Variants in GRM7 observed in about 807,000 individuals in gnomAD.
GRM7 encodes the protein glutamate metabotropic receptor 7.
A neutral mutation model predicts 84.5 loss-of-function variants in GRM7; 35 were observed. That is an observed-to-expected ratio of 0.41 (90% CI 0.32 to 0.55). GRM7 has a LOEUF of 0.55. Among genes scored for constraint, GRM7 ranks in the 20% least tolerant of loss-of-function variants. The probability of loss-of-function intolerance (pLI) is 0.19; values close to 1 mark genes in which losing one functional copy is unlikely to be tolerated. For synonymous variants in GRM7, 487 were observed against 455.1 expected, an observed-to-expected ratio of 1.07 and a Z score of -0.89; for missense variants, 1,003 against 1,194.6, an observed-to-expected ratio of 0.84 and a Z score of 2.36.
intron 1 of GRM7, among the ~76,000 whole-genome samples, chr3:7,085,699 T>C (rs1183140671): frequency 3.3e-5 from 5 of 152,132 alleles, no homozygotes; most frequent in African/African-American, 7.2e-5. Context: ...ACTATCAAGT[T>C]AAACATACTT....
intron 2 of GRM7, among the ~76,000 whole-genome samples, chr3:7,255,250 G>C (rs1698152608): frequency 6.6e-6 from 1 of 152,128 alleles, no homozygotes; most frequent in African/African-American, 2.4e-5. Context: ...TTTACAAATT[G>C]GAAAGGCTAA....
At chr3:7,736,538 T>C (rs1465329542) in intron 9 of GRM7, among the ~76,000 whole-genome samples, 2 of 152,176 alleles carry the variant, frequency 1.3e-5, no homozygotes, top group Admixed American at 1.3e-4. Flanking sequence ...CAAGTGGATA[T>C]GCAAGGAATA....
At chr3:7,164,189 T>G (rs1403190724) in intron 2 of GRM7, among the ~76,000 whole-genome samples, 1 of 152,076 alleles carries the variant, frequency 6.6e-6, no homozygotes, top group African/African-American at 2.4e-5. Flanking sequence ...TGAAACCCCA[T>G]CCCTACTAAA....
intron 1 of GRM7, among the ~76,000 whole-genome samples, chr3:7,026,010 C>T (rs1695967590): frequency 6.6e-6 from 1 of 152,166 alleles, no homozygotes; most frequent in African/African-American, 2.4e-5. Context: ...TATCATCCCC[C>T]AACACCCCTG....
intron 8 of GRM7, among the ~76,000 whole-genome samples, chr3:7,581,124 C>T (rs919549987): frequency 1.3e-5 from 2 of 152,112 alleles, no homozygotes; most frequent in Non-Finnish European, 2.9e-5. Context: ...ATTGCAATGC[C>T]TATTTGACAA....
intron 1 of GRM7, among the ~76,000 whole-genome samples, chr3:7,084,228 G>A (rs1486836164): frequency 6.6e-6 from 1 of 152,070 alleles, no homozygotes; most frequent in Non-Finnish European, 1.5e-5. Context: ...GAGGCAACAG[G>A]CAATGGTGAC....
intron 7 of GRM7, among the ~76,000 whole-genome samples, chr3:7,556,062 G>T (rs1294733099): frequency 6.6e-6 from 1 of 152,170 alleles, no homozygotes; most frequent in Non-Finnish European, 1.5e-5. Context: ...TAAACAACAG[G>T]CATTTATTTC....
At chr3:7,025,807 A>G (rs1695960749) in intron 1 of GRM7, among the ~76,000 whole-genome samples, 1 of 152,176 alleles carries the variant, frequency 6.6e-6, no homozygotes, top group African/African-American at 2.4e-5. Flanking sequence ...AATTGAGAGA[A>G]TGGCACTGGC....
intron 4 of GRM7, among the ~76,000 whole-genome samples, chr3:7,402,258 T>G (rs1462692728): frequency 2.6e-5 from 4 of 152,312 alleles, no homozygotes; most frequent in African/African-American, 9.6e-5. Context: ...ACGTGCTCAC[T>G]GCCAACCCAG....
chr3:7,468,953 G>C (rs944475332), intron 7 of GRM7, among the ~76,000 whole-genome samples: 1 of 152,160 alleles, frequency 6.6e-6, no homozygotes, highest in African/African-American at 2.4e-5. Context: ...CTTTAGAGCA[G>C]TGTGAAAACA....
chr3:7,136,318 G>A (rs1183494947), intron 1 of GRM7, among the ~76,000 whole-genome samples: 2 of 151,922 alleles, frequency 1.3e-5, no homozygotes, highest in African/African-American at 4.8e-5. Context: ...TAAGGAAAAG[G>A]CAGGGCAGAA....
At chr3:7,365,730 T>C (rs906260515) in intron 4 of GRM7, among the ~76,000 whole-genome samples, 10 of 149,830 alleles carry the variant, frequency 6.7e-5, no homozygotes, top group African/African-American at 2.4e-4. Flanking sequence ...TTATACTTTA[T>C]CTCTTTAATC....
chr3:7,478,511 C>A lies in GRM7; in HGVS notation c.1515+16789C>A, dbSNP rs145240853. Among the ~76,000 whole-genome samples the A allele has an allele frequency of 6.6e-5, 10 of 152,304 alleles. No individual in the cohort carries two copies. The East Asian group carries it at 1.9e-3, about 29-fold the overall frequency. On this transcript the variant is annotated intron_variant, in intron 7 of 9. Coordinates refer to ENST00000357716, the MANE Select transcript of GRM7 (RefSeq NM_000844.4). ...GCAAATATCTTTGCTAGTCCTCTTT[C>A]TTTTTGCCAAGAGCATTACATTTCA...
intron 4 of GRM7, among the ~76,000 whole-genome samples, chr3:7,326,189 AAC>A (rs1700979761): frequency 6.6e-6 from 1 of 151,888 alleles, no homozygotes; most frequent in Non-Finnish European, 1.5e-5. Context: ...AAGAAAAAAA[AAC>A]ACATTATTTT....
chr3:7,273,232 A>T (rs1171030786), intron 2 of GRM7, among the ~76,000 whole-genome samples: 2 of 12 alleles, frequency 0.17, no homozygotes, highest in African/African-American at 0.33. Context: ...TATGATTTCT[A>T]ATTTTAAAAT....
At chr3:7,432,003 G>T (rs1238385477) in intron 5 of GRM7, among the ~76,000 whole-genome samples, 2 of 152,168 alleles carry the variant, frequency 1.3e-5, no homozygotes, top group Non-Finnish European at 2.9e-5. Flanking sequence ...ACTTTGAGCA[G>T]TGTGGCTTCC....
At chr3:6,904,847 A>G (rs548801106) in intron 1 of GRM7, among the ~76,000 whole-genome samples, 161 of 152,022 alleles carry the variant, frequency 1.1e-3, no homozygotes, top group African/African-American at 3.2e-3. Context: ...CAGTCTCCCA[A>G]ATAATTAGAA....
intron 2 of GRM7, among the ~76,000 whole-genome samples, chr3:7,292,856 A>AC (rs1029285536): frequency 5.9e-5 from 9 of 151,574 alleles, no homozygotes; most frequent in Non-Finnish European, 1.2e-4. Flanking sequence ...ACATAGTGAA[A>AC]CCCCCCATCT....
chr3:7,210,731 C>A (rs181173281), intron 2 of GRM7, among the ~76,000 whole-genome samples: 1 of 151,812 alleles, frequency 6.6e-6, no homozygotes, highest in Non-Finnish European at 1.5e-5. Flanking sequence ...TTTCCTCACA[C>A]GCTCTGGGCA....
Sources: allele counts gnomAD v4.1 joint callset (sites outside exome capture counted in the v4.1 genomes callset), GRCh38; gene constraint gnomAD v4.1.1; transcripts MANE v1.5; gene names NCBI Gene and HGNC (gene_info 2026-07-23, HGNC 2026-07-21).